Variants in VOPP1 observed in about 807,000 individuals in gnomAD.
The protein encoded by VOPP1 is WW domain binding protein VOPP1.
VOPP1 carries 8 observed loss-of-function variants against 23.5 expected under a neutral mutation model. The ratio of observed to expected loss-of-function variants is 0.34; its 90% confidence interval spans 0.20 to 0.61. The LOEUF (loss-of-function observed/expected upper bound fraction) is 0.61. Among genes scored for constraint, VOPP1 ranks in the 20% least tolerant of loss-of-function variants. VOPP1 has a pLI of 0.78. For synonymous variants in VOPP1, 83 were observed against 97.3 expected, an observed-to-expected ratio of 0.85 and a Z score of 0.86; for missense variants, 174 against 238.1, an observed-to-expected ratio of 0.73 and a Z score of 1.77.
chr7:55,538,797 T>C (rs1584074195), intron 1 of VOPP1: 1 of 470,382 alleles, frequency 2.1e-6, no homozygotes, highest in Non-Finnish European at 3.6e-6. Flanking sequence ...TGAGGAAACA[T>C]CTCCAAGCAA....
intron 4 of VOPP1, among the ~76,000 whole-genome samples, chr7:55,445,240 C>G (rs577401370): frequency 6.3e-5 from 8 of 127,512 alleles, no homozygotes; most frequent in African/African-American, 3.0e-4. Flanking sequence ...GACACACACA[C>G]ACAGACACAC....
chr7:55,467,143 G>A (rs547871421), downstream of VOPP1, among the ~76,000 whole-genome samples: 5 of 152,340 alleles, frequency 3.3e-5, no homozygotes, highest in African/African-American at 4.8e-5. Context: ...AGGTGGTAAC[G>A]CTTGCTTGCC....
chr7:55,509,458 G>T (rs1794934497), intron 2 of VOPP1, among the ~76,000 whole-genome samples: 1 of 152,150 alleles, frequency 6.6e-6, no homozygotes. Context: ...AACCTCTTTT[G>T]TAATCCCATT....
chr7:55,460,073 A>AC (rs1303060916), intron 4 of VOPP1, among the ~76,000 whole-genome samples: 1 of 25,436 alleles, frequency 3.9e-5, no homozygotes, highest in African/African-American at 2.0e-4. Context: ...TTCTATTTTC[A>AC]TATTAAATAT....
chr7:55,525,707 G>A (rs1180210292), intron 1 of VOPP1, among the ~76,000 whole-genome samples: 1 of 135,558 alleles, frequency 7.4e-6, no homozygotes, highest in Non-Finnish European at 1.5e-5. Context: ...AACCTCTCGA[G>A]AACAAAGGTT....
At chr7:55,443,418 G>A (rs965954725) in intron 4 of VOPP1, among the ~76,000 whole-genome samples, 2 of 151,744 alleles carry the variant, frequency 1.3e-5, no homozygotes, top group African/African-American at 4.8e-5. Context: ...GCCAGGCGTG[G>A]TGGCGGGCGC....
intron 1 of VOPP1, among the ~76,000 whole-genome samples, chr7:55,529,794 T>C (rs373356495): frequency 1.3e-5 from 2 of 152,314 alleles, no homozygotes; most frequent in South Asian, 2.1e-4. Context: ...TCTTTATCCA[T>C]AGTCTTGCCT....
intron 4 of VOPP1, among the ~76,000 whole-genome samples, chr7:55,489,151 C>T (rs1395956325): frequency 3.3e-5 from 5 of 152,218 alleles, no homozygotes; most frequent in African/African-American, 1.2e-4. Context: ...TCTTCCCAAG[C>T]TCAGCACTGT....
intron 4 of VOPP1, among the ~76,000 whole-genome samples, chr7:55,465,605 A>G (rs112620362): frequency 0.012 from 1,827 of 152,384 alleles, 13 homozygotes; most frequent in Admixed American, 0.021. Context: ...AAGGAATTGT[A>G]GAATGAGAGA....
intron 1 of VOPP1, among the ~76,000 whole-genome samples, chr7:55,540,465 C>T (rs1416381512): frequency 1.3e-5 from 2 of 151,692 alleles, no homozygotes; most frequent in Non-Finnish European, 2.9e-5. Context: ...ACTCCCATTC[C>T]GTCCTTGTGT....
At chr7:55,459,051 T>C (rs1791436735) in intron 4 of VOPP1, among the ~76,000 whole-genome samples, 1 of 150,142 alleles carries the variant, frequency 6.7e-6, no homozygotes, top group Non-Finnish European at 1.5e-5. Flanking sequence ...GGTATGTTCC[T>C]TGTATGTCTA....
At chr7:55,487,856 C>G (rs1191453010) in intron 4 of VOPP1, among the ~76,000 whole-genome samples, 1 of 152,222 alleles carries the variant, frequency 6.6e-6, no homozygotes, top group African/African-American at 2.4e-5. Context: ...GAGGCCACCT[C>G]CTGCCAGCCA....
At chr7:55,562,008 T>C in intron 1 of VOPP1, 1 of 703,570 alleles carries the variant, frequency 1.4e-6, no homozygotes, top group South Asian at 1.5e-5. Flanking sequence ...CTGTACTGGA[T>C]GAAGACTTCT....
At chr7:55,555,353 C>A (rs1254614988) in intron 1 of VOPP1, among the ~76,000 whole-genome samples, 2 of 152,226 alleles carry the variant, frequency 1.3e-5, no homozygotes, top group African/African-American at 4.8e-5. Context: ...TTCAGCACTA[C>A]CATTTCCGCA....
intron 1 of VOPP1, among the ~76,000 whole-genome samples, chr7:55,564,243 G>GTCTCTCTCTCTGTCTCTCTCTCTC (rs1554302404): frequency 1.6e-5 from 2 of 125,896 alleles, no homozygotes; most frequent in African/African-American, 3.2e-5. Context: ...CTCTGTCTCT[G>GTCTCTCTCTCTGTCTCTCTCTCTC]TCTCTCTCTC....
At chr7:55,552,912 G>T (rs181578261) in intron 1 of VOPP1, 1 of 1,097,726 alleles carries the variant, frequency 9.1e-7, no homozygotes, top group Non-Finnish European at 1.2e-6. Context: ...AAAATTATAC[G>T]TGCTGCTAGC....
chr7:55,486,890 C>A (rs73137604), intron 4 of VOPP1, among the ~76,000 whole-genome samples: 1 of 152,180 alleles, frequency 6.6e-6, no homozygotes, highest in African/African-American at 2.4e-5. Flanking sequence ...TACAAACCCC[C>A]CAAGGCCACA....
At chr7:55,441,544 T>C (rs547753016) in intron 4 of VOPP1, among the ~76,000 whole-genome samples, 1 of 152,218 alleles carries the variant, frequency 6.6e-6, no homozygotes. Flanking sequence ...TTGGGAGGAT[T>C]AAATAATTTG....
chr7:55,560,537 C>A (rs1326110493), intron 1 of VOPP1, among the ~76,000 whole-genome samples: 1 of 152,122 alleles, frequency 6.6e-6, no homozygotes, highest in Non-Finnish European at 1.5e-5. Context: ...TGGGACAGGC[C>A]AGGAAATGAA....
Sources: allele counts gnomAD v4.1 joint callset (sites outside exome capture counted in the v4.1 genomes callset), GRCh38; gene constraint gnomAD v4.1.1; transcripts MANE v1.5; gene names NCBI Gene and HGNC (gene_info 2026-07-23, HGNC 2026-07-21).